RARB: variants seen among roughly 807,000 people sequenced by gnomAD.
RARB encodes the protein retinoic acid receptor beta.
Under a neutral mutation model 51.9 loss-of-function variants are expected in RARB, and 17 were observed. The observed-to-expected ratio is 0.33, with a 90% CI of 0.22 to 0.49. The LOEUF is 0.49. Ranked by LOEUF, RARB falls within the 20% of genes least tolerant of loss-of-function variation. The pLI, the probability that RARB is intolerant of heterozygous loss-of-function variation, is 0.99. For synonymous variants in RARB, 215 were observed against 195.4 expected (o/e 1.10, Z -0.84); for missense variants, 369 against 550.8 (o/e 0.67, Z 3.30).
intron 3 of RARB, among the ~76,000 whole-genome samples, chr3:25,086,345 A>G (rs1370821935): frequency 1.3e-5 from 2 of 152,076 alleles, no homozygotes; most frequent in Admixed American, 1.3e-4. Flanking sequence ...AAGATTTCCC[A>G]TCTTTCTTTG....
At chr3:25,498,195 A>G (rs1697132535) in intron 2 of RARB, among the ~76,000 whole-genome samples, 2 of 152,206 alleles carry the variant, frequency 1.3e-5, no homozygotes, top group Non-Finnish European at 2.9e-5. Flanking sequence ...TGTCAAAAAT[A>G]GAAGGAGGAG....
At chr3:25,554,656 G>GTAT (rs1699983496) in intron 3 of RARB, among the ~76,000 whole-genome samples, 1 of 152,178 alleles carries the variant, frequency 6.6e-6, no homozygotes, top group African/African-American at 2.4e-5. Context: ...CACAGTGCCG[G>GTAT]GCACAGAGTT....
At chr3:25,288,720 C>T (rs1703713520) in intron 5 of RARB, among the ~76,000 whole-genome samples, 1 of 152,126 alleles carries the variant, frequency 6.6e-6, no homozygotes, top group Non-Finnish European at 1.5e-5. Flanking sequence ...TGTCTCAGAG[C>T]TGTCACCTTC....
At chr3:25,450,696 C>T (rs903889334) in intron 1 of RARB, among the ~76,000 whole-genome samples, 10 of 152,116 alleles carry the variant, frequency 6.6e-5, no homozygotes, top group Non-Finnish European at 1.2e-4. Flanking sequence ...CTGGCCTCTA[C>T]CTACTAGATG....
chr3:24,917,728 T>C (rs540594218), intron 2 of RARB, among the ~76,000 whole-genome samples: 3 of 152,356 alleles, frequency 2.0e-5, no homozygotes, highest in Non-Finnish European at 2.9e-5. Flanking sequence ...GGTTTTACCA[T>C]GTTGGCCAGG....
chr3:25,544,779 TC>T (rs1351105987), intron 3 of RARB, among the ~76,000 whole-genome samples: 1 of 152,344 alleles, frequency 6.6e-6, no homozygotes, highest in East Asian at 1.9e-4. Context: ...CTTTTTGCCT[TC>T]CCTCTTTCTG....
At chr3:25,233,680 GTGT>G (rs202227316) in intron 5 of RARB, among the ~76,000 whole-genome samples, 18 of 151,044 alleles carry the variant, frequency 1.2e-4, no homozygotes, top group Admixed American at 2.0e-4. Context: ...AGCTATAGGG[GTGT>G]TGTTGTTGTT....
intron 4 of RARB, among the ~76,000 whole-genome samples, chr3:25,139,457 A>G (rs897251620): frequency 6.6e-6 from 1 of 152,200 alleles, no homozygotes; most frequent in African/African-American, 2.4e-5. Context: ...ACCAGTCACA[A>G]CATTCCCTTA....
At chr3:25,498,284 C>G (rs1232947996) in intron 2 of RARB, among the ~76,000 whole-genome samples, 4 of 152,126 alleles carry the variant, frequency 2.6e-5, no homozygotes, top group Admixed American at 6.5e-5. Flanking sequence ...CCGCCACACA[C>G]TCTGGGTCCT....
intron 2 of RARB, among the ~76,000 whole-genome samples, chr3:24,937,798 T>A (rs2125397831): frequency 6.6e-6 from 1 of 152,160 alleles, no homozygotes; most frequent in Admixed American, 6.5e-5. Context: ...CAGAGTTTTT[T>A]ATTAAAAAAA....
At chr3:25,142,726 C>T (rs1700128575) in intron 4 of RARB, among the ~76,000 whole-genome samples, 1 of 152,044 alleles carries the variant, frequency 6.6e-6, no homozygotes, top group African/African-American at 2.4e-5. Context: ...GAAATGCTGC[C>T]TCCCAGAAAG....
chr3:25,155,660 A>G (rs899978105), intron 4 of RARB, among the ~76,000 whole-genome samples: 1 of 152,144 alleles, frequency 6.6e-6, no homozygotes, highest in South Asian at 2.1e-4. Flanking sequence ...TTTTTTCAAA[A>G]AGCTTTATGA....
chr3:25,214,583 C>T lies in RARB; in HGVS notation c.178+40008C>T, dbSNP rs149605366. On this transcript the variant is annotated intron_variant, in intron 5 of 11. Coordinates refer to the RARB transcript ENST00000383772. ...TAAATGGGACTGCAGAAGAAATTTT[C>T]CTACTGTAAGAATCCTCAATATTTT... Among the ~76,000 whole-genome samples, 14 of 152,278 alleles carry T rather than the reference C, an allele frequency of 9.2e-5. No individual in the cohort carries two copies. In the East Asian group the frequency reaches 1.5e-3, roughly 17 times the overall value.
At chr3:25,458,598 C>A (rs1287386828) in intron 1 of RARB, among the ~76,000 whole-genome samples, 1 of 152,166 alleles carries the variant, frequency 6.6e-6, no homozygotes, top group East Asian at 1.9e-4. Context: ...AAAACAGTTG[C>A]TGCCACTGTG....
At chr3:25,177,550 G>A (rs1202448325) in intron 5 of RARB, among the ~76,000 whole-genome samples, 1 of 152,174 alleles carries the variant, frequency 6.6e-6, no homozygotes, top group African/African-American at 2.4e-5. Flanking sequence ...AAATTCTCCT[G>A]CCCCTGTAGT....
At chr3:25,164,572 C>T (rs564891070) in intron 4 of RARB, among the ~76,000 whole-genome samples, 1 of 152,222 alleles carries the variant, frequency 6.6e-6, no homozygotes, top group Admixed American at 6.5e-5. Flanking sequence ...GTTAAAAATA[C>T]ATTTATGGCT....
chr3:25,201,564 G>A (rs1701390072), intron 5 of RARB, among the ~76,000 whole-genome samples: 1 of 152,062 alleles, frequency 6.6e-6, no homozygotes, highest in South Asian at 2.1e-4. Flanking sequence ...ATTGGCTGTG[G>A]GTTTGTCATA....
intron 2 of RARB, among the ~76,000 whole-genome samples, chr3:24,906,844 CAAAAAAAAA>C (rs397875286): frequency 1.3e-5 from 1 of 76,040 alleles, no homozygotes; most frequent in African/African-American, 4.6e-5. Context: ...GATTCCGTCT[CAAAAAAAAA>C]AAAAAAAAAA....
intron 2 of RARB, among the ~76,000 whole-genome samples, chr3:25,033,504 G>C (rs1396342634): frequency 2.0e-5 from 3 of 152,202 alleles, no homozygotes; most frequent in Admixed American, 1.3e-4. Flanking sequence ...GTGTGGGAAA[G>C]CTAAGAGAAG....
Sources: gnomAD v4.1 joint callset for allele counts (sites outside exome capture counted in the v4.1 genomes callset) on GRCh38, gnomAD v4.1.1 for gene constraint, MANE v1.5 for transcripts, NCBI Gene and HGNC (gene_info 2026-07-23, HGNC 2026-07-21) for gene names.